Variants in APBB1IP observed in about 807,000 individuals in gnomAD.
APBB1IP encodes amyloid beta A4 precursor protein-binding family B member 1-interacting protein.
Under a neutral mutation model 64.9 loss-of-function variants are expected in APBB1IP, and 27 were observed. That is an observed-to-expected ratio of 0.42 (90% CI 0.31 to 0.57). The LOEUF is 0.57. Ranked by LOEUF, APBB1IP falls within the 20% of genes least tolerant of loss-of-function variation. The probability of loss-of-function intolerance (pLI) is 0.20; values close to 1 mark genes in which losing one functional copy is unlikely to be tolerated. For missense variants in APBB1IP, 812 were observed against 845.5 expected (o/e 0.96, Z 0.49); for synonymous variants, 392 against 331.0 (o/e 1.18, Z -2.00).
At chr10:26,517,572 C>T (rs1836348080) in intron 8 of APBB1IP, among the ~76,000 whole-genome samples, 1 of 152,138 alleles carries the variant, frequency 6.6e-6, no homozygotes, top group Admixed American at 6.5e-5. Context: ...CCAGAGTAGC[C>T]GGAAACACAG....
At chr10:26,559,358 G>A (rs2132482691) in intron 11 of APBB1IP, among the ~76,000 whole-genome samples, 1 of 151,922 alleles carries the variant, frequency 6.6e-6, no homozygotes, top group Middle Eastern at 3.4e-3. Context: ...GAGGCCAGGA[G>A]TTTGAGACCA....
chr10:26,548,319 T>C (rs1045800014), intron 11 of APBB1IP, among the ~76,000 whole-genome samples: 5 of 151,572 alleles, frequency 3.3e-5, no homozygotes, highest in African/African-American at 1.2e-4. Flanking sequence ...GTATGTCTCC[T>C]AATGCTATCC....
intron 2 of APBB1IP, among the ~76,000 whole-genome samples, chr10:26,447,471 A>G (rs1053076953): frequency 6.6e-6 from 1 of 152,052 alleles, no homozygotes; most frequent in Non-Finnish European, 1.5e-5. Context: ...ACACTTTAGC[A>G]GTGCTGAAGC....
chr10:26,469,258 C>CTTTTTTTTTTTTTTTT (rs386361721), intron 2 of APBB1IP, among the ~76,000 whole-genome samples: 5 of 112,940 alleles, frequency 4.4e-5, no homozygotes, highest in African/African-American at 1.8e-4. Flanking sequence ...CTTTTCTTTT[C>CTTTTTTTTTTTTTTTT]TTTTTTTTTT....
At chr10:26,549,734 A>G (rs1039670667) in intron 11 of APBB1IP, among the ~76,000 whole-genome samples, 1 of 150,890 alleles carries the variant, frequency 6.6e-6, no homozygotes, top group Admixed American at 6.6e-5. Context: ...AAGGTTTCTC[A>G]ATTTTATTTT....
At chr10:26,560,332 A>G in intron 12 of APBB1IP, 129 bp downstream of exon 12, 2 of 816,606 alleles carry the variant, frequency 2.4e-6, no homozygotes, top group South Asian at 3.2e-5. Flanking sequence ...TATCAGGTTT[A>G]TTCGCCCAGT....
At chr10:26,557,797 AGCAGAGTGACTAGAC>A (rs1307331149) in intron 11 of APBB1IP, among the ~76,000 whole-genome samples, 3 of 152,242 alleles carry the variant, frequency 2.0e-5, no homozygotes, top group Admixed American at 2.0e-4. Context: ...TAGAAAGTCT[AGCAGAGTGACTAGAC>A]GCTGCCAGTC....
chr10:26,513,890 G>T (rs1836292750), intron 8 of APBB1IP, among the ~76,000 whole-genome samples: 1 of 152,092 alleles, frequency 6.6e-6, no homozygotes, highest in African/African-American at 2.4e-5. Context: ...GGGCCACCAG[G>T]CCCAGCTAAC....
chr10:26,552,724 C>G (rs763687293), intron 11 of APBB1IP, among the ~76,000 whole-genome samples: 2 of 152,170 alleles, frequency 1.3e-5, no homozygotes, highest in Non-Finnish European at 1.5e-5. Context: ...TTATCCCACG[C>G]AGTAACTCTC....
At chr10:26,452,315 G>A (rs1046215314) in intron 2 of APBB1IP, among the ~76,000 whole-genome samples, 1 of 152,194 alleles carries the variant, frequency 6.6e-6, no homozygotes, top group Non-Finnish European at 1.5e-5. Context: ...CAGCAGCTAA[G>A]TATATTTACA....
chr10:26,478,547 G>C (rs1203672530), intron 2 of APBB1IP, among the ~76,000 whole-genome samples: 3 of 151,872 alleles, frequency 2.0e-5, no homozygotes, highest in Non-Finnish European at 2.9e-5. Context: ...CCTGGGAGCT[G>C]GAGGTTGCAG....
intron 8 of APBB1IP, among the ~76,000 whole-genome samples, chr10:26,523,277 G>T (rs1257512464): frequency 2.0e-5 from 3 of 152,180 alleles, no homozygotes; most frequent in Non-Finnish European, 2.9e-5. Context: ...CTAGCCAAAA[G>T]CCACAGGAGG....
At chr10:26,478,829 T>G (rs1391217277) in intron 2 of APBB1IP, among the ~76,000 whole-genome samples, 1 of 152,020 alleles carries the variant, frequency 6.6e-6, no homozygotes, top group Non-Finnish European at 1.5e-5. Flanking sequence ...AGCCAGAATC[T>G]CTGGGGCCTG....
intron 14 of APBB1IP, among the ~76,000 whole-genome samples, chr10:26,565,131 C>T (rs150450819): frequency 7.2e-4 from 109 of 152,334 alleles, no homozygotes; most frequent in African/African-American, 2.5e-3. Context: ...TTCACTCTTC[C>T]CTTTCCATCT....
Position 26,567,055 on chromosome 10 carries a change from G to T in APBB1IP, c.1568G>T (p.Arg523Leu). Residue 523 changes from arginine to leucine, a missense_variant, in exon 15 of 15, where the codon CGG becomes CTG. Physicochemically the swap from Arg to Leu is moderately radical, Grantham distance 102 (BLOSUM62 -2). This residue lies in a region of APBB1IP where 381 missense variants were observed against 352.1 expected (regional missense o/e 1.08). Coordinates refer to ENST00000376236, the MANE Select transcript of APBB1IP (RefSeq NM_019043.4). ...AGCCTGCCCCCGCCCCCTCCGGTGC[G>T]GAGGTCCTCCGACACCAGCGGCAGT... ...KSSLPPPPPVRRSSDTSGSPA... is the reference protein window; with the variant it reads ...KSSLPPPPPVLRSSDTSGSPA... The T allele has an allele frequency of 6.6e-7, 1 of 1,509,824 alleles. No individual in the cohort carries two copies. Among genetic ancestry groups the T allele is most frequent in the Non-Finnish European group, 8.7e-7 (1 of 1,144,492 alleles). 93.5% of individuals were successfully genotyped at this position (1,509,824 alleles called of 1,614,324 possible).
intron 10 of APBB1IP, among the ~76,000 whole-genome samples, chr10:26,537,225 C>T (rs549108648): frequency 6.6e-6 from 1 of 152,144 alleles, no homozygotes; most frequent in East Asian, 1.9e-4. Flanking sequence ...AAGCATTTTG[C>T]CTTCCCTTCC....
At chr10:26,550,959 G>A (rs1429063367) in intron 11 of APBB1IP, among the ~76,000 whole-genome samples, 1 of 152,160 alleles carries the variant, frequency 6.6e-6, no homozygotes, top group Non-Finnish European at 1.5e-5. Context: ...GGTTAGACCC[G>A]AATCCTACAC....
rs139504900 is a variant in APBB1IP, at chr10:26,543,822, T to C, written c.1155+2130T>C. 1.9e-4 allele frequency among the ~76,000 whole-genome samples: 29 copies of C among 152,220 alleles called. No individual in the cohort carries two copies. In the East Asian group the frequency reaches 5.4e-3, roughly 28 times the overall value. ...GAATGAGGTGAGGGAGCAAGAATTA[T>C]CTGCAGTACGAGCCCTCCAGGAATA... is the stretch of plus-strand genomic sequence containing the variant. On this transcript the variant is annotated intron_variant, in intron 11 of 14. Transcript: ENST00000376236.
intron 6 of APBB1IP, among the ~76,000 whole-genome samples, chr10:26,504,076 C>A (rs1435025664): frequency 1.3e-5 from 2 of 152,200 alleles, no homozygotes; most frequent in Admixed American, 1.3e-4. Flanking sequence ...TTGGGGAATG[C>A]CTAACTGGGT....
Sources: allele counts gnomAD v4.1 joint callset (sites outside exome capture counted in the v4.1 genomes callset), GRCh38; gene constraint gnomAD v4.1.1; regional missense constraint gnomAD v4.1.1; transcripts MANE v1.5; gene names NCBI Gene and HGNC (gene_info 2026-07-23, HGNC 2026-07-21).